Variants in EFCAB11 observed in about 807,000 individuals in gnomAD.
EFCAB11 encodes EF-hand calcium-binding domain-containing protein 11.
EFCAB11 carries 14 observed loss-of-function variants against 23.0 expected under a neutral mutation model. The ratio of observed to expected loss-of-function variants is 0.61; its 90% CI spans 0.40 to 0.95. EFCAB11 has a LOEUF of 0.95. Among genes scored for constraint, EFCAB11 ranks in the 40% least tolerant of loss-of-function variants. The pLI is 0.00. For synonymous variants in EFCAB11, 65 were observed against 66.6 expected, an observed-to-expected ratio of 0.98 and a Z score of 0.11; for missense variants, 198 against 195.8, an observed-to-expected ratio of 1.01 and a Z score of -0.07.
chr14:89,858,790 G>A (rs1017648952), intron 5 of EFCAB11, among the ~76,000 whole-genome samples: 1 of 151,144 alleles, frequency 6.6e-6, no homozygotes, highest in Non-Finnish European at 1.5e-5. Context: ...CCAATGATGA[G>A]GTTTTTGTAT....
At chr14:89,917,052 TCGTGTGTGTG>T (rs1408381300) in intron 5 of EFCAB11, among the ~76,000 whole-genome samples, 8 of 116,898 alleles carry the variant, frequency 6.8e-5, no homozygotes, top group Middle Eastern at 9.1e-3. Flanking sequence ...CTGACATGCT[TCGTGTGTGTG>T]TGTGTGTGTG....
At chr14:89,822,495 C>T (rs1465924235) in intron 5 of EFCAB11, among the ~76,000 whole-genome samples, 2 of 152,164 alleles carry the variant, frequency 1.3e-5, no homozygotes, top group African/African-American at 4.8e-5. Context: ...TCCTCCCACC[C>T]CACCCTTGGC....
intron 3 of EFCAB11, among the ~76,000 whole-genome samples, chr14:89,937,310 T>C (rs1344696557): frequency 6.6e-6 from 1 of 152,190 alleles, no homozygotes; most frequent in Non-Finnish European, 1.5e-5. Context: ...TGGTTTGAAG[T>C]GGGTGGGCTT....
chr14:89,809,805 A>T (rs1241067261), intron 5 of EFCAB11, among the ~76,000 whole-genome samples: 2 of 152,174 alleles, frequency 1.3e-5, no homozygotes, highest in Non-Finnish European at 2.9e-5. Flanking sequence ...CCCCCCGTCA[A>T]TGGCGTCCCA....
At chr14:89,862,979 T>C (rs1033220520) in intron 5 of EFCAB11, among the ~76,000 whole-genome samples, 1 of 152,216 alleles carries the variant, frequency 6.6e-6, no homozygotes, top group South Asian at 2.1e-4. Flanking sequence ...ATGTGAAATG[T>C]TTCCATACAT....
intron 5 of EFCAB11, among the ~76,000 whole-genome samples, chr14:89,816,277 G>GT (rs1471992084): frequency 6.6e-6 from 1 of 152,072 alleles, no homozygotes; most frequent in African/African-American, 2.4e-5. Context: ...AGTTCTAATA[G>GT]TTTTTTGGTG....
At chr14:89,932,440 T>C (rs1201337407) in intron 4 of EFCAB11, 86 bp downstream of exon 4, 7 of 972,924 alleles carry the variant, frequency 7.2e-6, no homozygotes, top group South Asian at 1.5e-5. Flanking sequence ...AAGTATATTA[T>C]ATATTTGATT....
chr14:89,826,451 GAGGTT>G (rs1416104438), intron 5 of EFCAB11, among the ~76,000 whole-genome samples: 1 of 152,004 alleles, frequency 6.6e-6, no homozygotes, highest in Admixed American at 6.6e-5. Context: ...CGAAGTTGAA[GAGGTT>G]AGATTTTTTT....
chr14:89,818,119 C>T (rs891462624), intron 5 of EFCAB11, among the ~76,000 whole-genome samples: 2 of 151,960 alleles, frequency 1.3e-5, no homozygotes, highest in Admixed American at 1.3e-4. Flanking sequence ...TTGACATCTA[C>T]AATACATGAA....
At chr14:89,843,923 A>G (rs555038940) in intron 5 of EFCAB11, among the ~76,000 whole-genome samples, 1 of 152,252 alleles carries the variant, frequency 6.6e-6, no homozygotes, top group Non-Finnish European at 1.5e-5. Flanking sequence ...CAAATTCTAA[A>G]TTTCACTTGA....
At position 89,797,294 on chromosome 14, in the gene EFCAB11, G is replaced by A. The variant is rs776925517; in HGVS notation, c.441C>T (p.Val147=). The change falls in exon 6 of 6, where the codon GTC becomes GTT. Residue 147 remains valine (V), a synonymous_variant. Coordinates refer to ENST00000316738, the MANE Select transcript of EFCAB11 (RefSeq NM_145231.4). ...GGGCATATTCAAAGTCTCTAAAGCT[G>A]ACGTGACCATCTGAATCTCGATCTA... ...REVDRDSDGH[V]SFRDFEYALN... 5 of 1,613,312 alleles carry A rather than the reference G, an allele frequency of 3.1e-6. No homozygotes were observed. The East Asian group carries it at 8.9e-5, about 29-fold the overall frequency.
intron 5 of EFCAB11, among the ~76,000 whole-genome samples, chr14:89,839,905 C>T (rs779022844): frequency 2.4e-4 from 36 of 152,126 alleles, no homozygotes; most frequent in Non-Finnish European, 1.0e-4. Flanking sequence ...AGAAACCGCC[C>T]CCATGAACCA....
intron 5 of EFCAB11, among the ~76,000 whole-genome samples, chr14:89,838,666 G>A (rs7148871): frequency 2.4e-3 from 363 of 152,142 alleles, no homozygotes; most frequent in African/African-American, 8.4e-3. Flanking sequence ...GAGCAGATTG[G>A]GAATACAAAC....
At chr14:89,815,282 A>G (rs553531894) in intron 5 of EFCAB11, among the ~76,000 whole-genome samples, 1 of 152,212 alleles carries the variant, frequency 6.6e-6, no homozygotes, top group African/African-American at 2.4e-5. Flanking sequence ...AAATGTTGTC[A>G]TAAGTGTACA....
chr14:89,951,512 A>G (rs186780799), intron 2 of EFCAB11, among the ~76,000 whole-genome samples: 3 of 152,186 alleles, frequency 2.0e-5, no homozygotes, highest in South Asian at 2.1e-4. Context: ...ATGTCTTTCT[A>G]TATTAAACTC....
intron 5 of EFCAB11, among the ~76,000 whole-genome samples, chr14:89,885,740 AGAAAGAAAG>A (rs1305198837): frequency 1.7e-5 from 2 of 117,516 alleles, no homozygotes; most frequent in South Asian, 5.5e-4. Flanking sequence ...AGAGAGAGAG[AGAAAGAAAG>A]GAAAGAAAGG....
At chr14:89,918,100 A>C (rs1889908250) in intron 5 of EFCAB11, among the ~76,000 whole-genome samples, 1 of 152,188 alleles carries the variant, frequency 6.6e-6, no homozygotes, top group Admixed American at 6.5e-5. Flanking sequence ...ATATGAGTAT[A>C]TCTTCAGGCA....
At chr14:89,944,813 T>C (rs1404780677) in intron 3 of EFCAB11, among the ~76,000 whole-genome samples, 1 of 151,486 alleles carries the variant, frequency 6.6e-6, no homozygotes, top group African/African-American at 2.4e-5. Flanking sequence ...TTAAATGTGA[T>C]TCTAAACCTT....
At chr14:89,838,212 A>G (rs184330044) in intron 5 of EFCAB11, among the ~76,000 whole-genome samples, 1 of 152,344 alleles carries the variant, frequency 6.6e-6, no homozygotes, top group Non-Finnish European at 1.5e-5. Flanking sequence ...GTACTACAGA[A>G]CACTCTGAAT....
Sources: allele counts gnomAD v4.1 joint callset (sites outside exome capture counted in the v4.1 genomes callset), GRCh38; gene constraint gnomAD v4.1.1; transcripts MANE v1.5; gene names NCBI Gene and HGNC (gene_info 2026-07-23, HGNC 2026-07-21).